Variants in UGT1A10 observed in about 807,000 individuals in gnomAD.
The protein encoded by UGT1A10 is UDP-glucuronosyltransferase 1A10.
Under a neutral mutation model 45.8 loss-of-function variants are expected in UGT1A10, and 49 were observed. That is an observed-to-expected ratio of 1.07 (90% CI 0.85 to 1.36). UGT1A10 has a LOEUF of 1.36. Among genes scored for constraint, UGT1A10 ranks in the 40% most tolerant of loss-of-function variants. UGT1A10 has a pLI of 0.00. For missense variants in UGT1A10, 745 were observed against 668.6 expected (o/e 1.11, Z -1.26); for synonymous variants, 284 against 249.7 (o/e 1.14, Z -1.29).
At chr2:233,719,385 A>C in intron 1 of UGT1A10, 1 of 1,613,980 alleles carries the variant, frequency 6.2e-7, no homozygotes, top group Non-Finnish European at 8.5e-7. Flanking sequence ...ACAGTGTCCA[A>C]ATCCTTCCTC....
At chr2:233,764,091 A>T (rs1189642052) in intron 1 of UGT1A10, among the ~76,000 whole-genome samples, 1 of 152,202 alleles carries the variant, frequency 6.6e-6, no homozygotes, top group East Asian at 1.9e-4. Flanking sequence ...AAAAGCCTAA[A>T]CTAAAAATAC....
At chr2:233,647,713 A>T (rs992213733) in intron 1 of UGT1A10, among the ~76,000 whole-genome samples, 2 of 152,236 alleles carry the variant, frequency 1.3e-5, no homozygotes, top group Non-Finnish European at 2.9e-5. Flanking sequence ...TAATACCTGT[A>T]GAATTTATGG....
At chr2:233,707,718 C>T (rs1485982903) in intron 1 of UGT1A10, among the ~76,000 whole-genome samples, 11 of 152,140 alleles carry the variant, frequency 7.2e-5, no homozygotes, top group Admixed American at 7.2e-4. Context: ...CTACTGTGAA[C>T]AATGTTACAA....
chr2:233,681,336 C>T (rs575470114), intron 1 of UGT1A10, among the ~76,000 whole-genome samples: 1 of 151,950 alleles, frequency 6.6e-6, no homozygotes, highest in East Asian at 1.9e-4. Flanking sequence ...GAGTTCGAGA[C>T]CAGCCTGGGC....
intron 1 of UGT1A10, among the ~76,000 whole-genome samples, chr2:233,683,447 A>T (rs1304949138): frequency 6.6e-6 from 1 of 152,090 alleles, no homozygotes; most frequent in East Asian, 1.9e-4. Context: ...GAATTCTTGT[A>T]TACTTTCTTT....
chr2:233,739,738 C>G (rs1691193557), intron 1 of UGT1A10, among the ~76,000 whole-genome samples: 1 of 152,084 alleles, frequency 6.6e-6, no homozygotes, highest in Non-Finnish European at 1.5e-5. Flanking sequence ...TCAGATGAGA[C>G]CTTGGACTAT....
At chr2:233,729,661 G>T in intron 1 of UGT1A10, 1 of 1,613,902 alleles carries the variant, frequency 6.2e-7, no homozygotes, top group Non-Finnish European at 8.5e-7. Flanking sequence ...CATTCCATGT[G>T]ATTTAGACTT....
chr2:233,713,567 C>T (rs1231652913), intron 1 of UGT1A10: 11 of 1,613,854 alleles, frequency 6.8e-6, no homozygotes, highest in African/African-American at 1.3e-5. Context: ...ACCCTTCCTC[C>T]TATATTCCTA....
intron 1 of UGT1A10, among the ~76,000 whole-genome samples, chr2:233,686,245 T>A (rs2074779107): frequency 1.3e-5 from 2 of 150,448 alleles, no homozygotes; most frequent in South Asian, 4.2e-4. Context: ...AAATGGTTTC[T>A]GAGATTTTTT....
intron 1 of UGT1A10, among the ~76,000 whole-genome samples, chr2:233,717,553 T>C (rs3806591): frequency 0.1 from 15,445 of 152,232 alleles, 903 homozygotes; most frequent in East Asian, 0.2. Context: ...TCACCAGCAA[T>C]GGCAGACATG....
Position 233,637,295 on chromosome 2 carries a change from T to G in UGT1A10, c.773T>G (p.Val258Gly), listed in dbSNP as rs1248500887. The stretch of plus-strand genomic sequence containing the variant: ...ATTTGGTTGTTGCGAACGGACTTTG[T>G]TTTGGACTATCCCAAACCCGTGATG... Reference protein sequence around the residue: ...TSIWLLRTDFVLDYPKPVMPN... With the variant: ...TSIWLLRTDFGLDYPKPVMPN... The change falls in exon 1 of 5, where the codon GTT (valine) becomes GGT (glycine). Residue 258 changes from valine to glycine, a missense_variant. Physicochemically the swap from Val to Gly is moderately radical, Grantham distance 109 (BLOSUM62 -3). Transcript: ENST00000344644. 7 of 1,613,992 alleles carry G rather than the reference T, an allele frequency of 4.3e-6. No homozygotes were observed. Among genetic ancestry groups the G allele is most frequent in the Admixed American group, 1.7e-5 (1 of 60,022 alleles).
chr2:233,684,809 C>A (rs2074702200), intron 1 of UGT1A10, among the ~76,000 whole-genome samples: 1 of 152,130 alleles, frequency 6.6e-6, no homozygotes. Context: ...GGCTCAACCA[C>A]AAAAGTAAAT....
intron 1 of UGT1A10, among the ~76,000 whole-genome samples, chr2:233,678,711 A>C (rs1224106773): frequency 1.3e-5 from 2 of 152,110 alleles, no homozygotes; most frequent in Admixed American, 1.3e-4. Flanking sequence ...TGCTTCTTCT[A>C]CATCTTCTTT....
At chr2:233,724,723 C>T (rs1313169772) in intron 1 of UGT1A10, among the ~76,000 whole-genome samples, 1 of 144,588 alleles carries the variant, frequency 6.9e-6, no homozygotes, top group African/African-American at 2.6e-5. Flanking sequence ...GACTGGGCAG[C>T]CAGGCAGAGG....
chr2:233,747,435 T>C, intron 1 of UGT1A10: 2 of 1,608,866 alleles, frequency 1.2e-6, no homozygotes, highest in East Asian at 2.2e-5. Flanking sequence ...AGAGAAATTT[T>C]TCACCCTGAC....
intron 1 of UGT1A10, among the ~76,000 whole-genome samples, chr2:233,667,331 G>A (rs183046444): frequency 6.4e-4 from 97 of 152,326 alleles, no homozygotes; most frequent in Non-Finnish European, 1.2e-3. Flanking sequence ...CTAGCCATTT[G>A]TAGAAAGCTG....
At chr2:233,692,519 T>C (rs2075099772) in intron 1 of UGT1A10, among the ~76,000 whole-genome samples, 1 of 152,124 alleles carries the variant, frequency 6.6e-6, no homozygotes, top group Non-Finnish European at 1.5e-5. Flanking sequence ...GTGGGGTCCG[T>C]GCTAACTCAG....
At chr2:233,765,847 T>G (rs531904348) in intron 1 of UGT1A10, among the ~76,000 whole-genome samples, 5 of 152,168 alleles carry the variant, frequency 3.3e-5, no homozygotes, top group African/African-American at 9.6e-5. Context: ...CTTGTCCCCC[T>G]CACAGAGCAT....
intron 1 of UGT1A10, among the ~76,000 whole-genome samples, chr2:233,651,344 A>G (rs1484570356): frequency 6.6e-6 from 1 of 152,174 alleles, no homozygotes; most frequent in Non-Finnish European, 1.5e-5. Context: ...ATTTTATATC[A>G]CCTATCATGT....
Sources: allele counts gnomAD v4.1 joint callset (sites outside exome capture counted in the v4.1 genomes callset), GRCh38; gene constraint gnomAD v4.1.1; transcripts MANE v1.5; gene names NCBI Gene and HGNC (gene_info 2026-07-23, HGNC 2026-07-21).